GABRG3: variants seen among roughly 807,000 people sequenced by gnomAD.
The protein encoded by GABRG3 is gamma-aminobutyric acid type A receptor subunit gamma3, also known as gamma-aminobutyric acid receptor subunit gamma-3.
A neutral mutation model predicts 48.8 loss-of-function variants in GABRG3; 25 were observed. That is an observed-to-expected ratio of 0.51 (90% CI 0.37 to 0.72). The LOEUF is 0.72. Ranked by LOEUF, GABRG3 falls within the 30% of genes least tolerant of loss-of-function variation. The pLI is 0.00. For synonymous variants in GABRG3, 227 were observed against 217.6 expected, an observed-to-expected ratio of 1.04 and a Z score of -0.38; for missense variants, 394 against 577.9, an observed-to-expected ratio of 0.68 and a Z score of 3.26.
chr15:27,519,022 C>T (rs776103342), intron 6 of GABRG3, among the ~76,000 whole-genome samples: 1 of 152,028 alleles, frequency 6.6e-6, no homozygotes, highest in Non-Finnish European at 1.5e-5. Context: ...TCAGAGGTGG[C>T]TTTTTGGTTT....
At chr15:27,292,639 G>A (rs28705938) in intron 3 of GABRG3, among the ~76,000 whole-genome samples, 3,654 of 152,052 alleles carry the variant, frequency 0.024, 117 homozygotes, top group East Asian at 0.088. Flanking sequence ...AGTATAATGG[G>A]CATCTTTCTC....
At chr15:27,112,567 A>C (rs1439515157) in intron 3 of GABRG3, among the ~76,000 whole-genome samples, 1 of 151,172 alleles carries the variant, frequency 6.6e-6, no homozygotes, top group African/African-American at 2.4e-5. Flanking sequence ...CAGCCTCCCG[A>C]GTAGCTGGGA....
At position 27,307,337 on chromosome 15, in the gene GABRG3, ATAGGTTTATATATGTTTATATATAAC is replaced by A. The variant is rs1253045943; in HGVS notation, c.271-19471_271-19446del. Among the ~76,000 whole-genome samples, 19 of 134,200 alleles carry A rather than the reference ATAGGTTTATATATGTTTATATATAAC, an allele frequency of 1.4e-4. 1 individual carries two copies. The highest frequency in any genetic ancestry group is 3.3e-4 in the African/African-American group (12 of 36,664). 88.0% of individuals were successfully genotyped at this position (134,200 alleles called of 152,430 possible). On this transcript the variant is annotated intron_variant, in intron 3 of 9. Transcript: ENST00000615808. Reference sequence around the variant, plus strand: ...GGTTTATATATGTTTATATATAACCATAGGTTTATATATGTTTATATATAACCATATAGGTTTATATATTTATATAT... The same window carrying A: ...GGTTTATATATGTTTATATATAACCACATATAGGTTTATATATTTATATAT...
At chr15:27,423,578 T>C (rs1464215419) in intron 5 of GABRG3, among the ~76,000 whole-genome samples, 1 of 151,296 alleles carries the variant, frequency 6.6e-6, no homozygotes, top group Non-Finnish European at 1.5e-5. Context: ...TAGGGTCTTA[T>C]TCTGTCGCCA....
At chr15:27,495,169 T>C (rs1419605822) in intron 6 of GABRG3, among the ~76,000 whole-genome samples, 1 of 152,176 alleles carries the variant, frequency 6.6e-6, no homozygotes, top group Non-Finnish European at 1.5e-5. Context: ...ACCTTCTCTT[T>C]CTATGACTTT....
intron 3 of GABRG3, among the ~76,000 whole-genome samples, chr15:27,223,280 A>G (rs1192698250): frequency 6.6e-6 from 1 of 152,206 alleles, no homozygotes; most frequent in Non-Finnish European, 1.5e-5. Context: ...AATGTTACCA[A>G]AAGGCCAGGG....
chr15:26,991,743 C>T (rs557396886), intron 2 of GABRG3, among the ~76,000 whole-genome samples: 6 of 151,670 alleles, frequency 4.0e-5, no homozygotes, highest in Admixed American at 2.0e-4. Flanking sequence ...TTTTCTGAGA[C>T]GGAGTCTTGC....
chr15:26,976,629 A>C lies in GABRG3; in HGVS notation c.54-373A>C, dbSNP rs193218519. Among the ~76,000 whole-genome samples the C allele has an allele frequency of 4.9e-4, 75 of 152,260 alleles. No individual in the cohort carries two copies. The highest frequency in any genetic ancestry group is 3.3e-3 in the South Asian group (16 of 4,816). On this transcript the variant is annotated intron_variant, in intron 1 of 9. Transcript: ENST00000615808. The surrounding 1 kb of genome is among the most constrained non-coding windows in gnomAD (Gnocchi z 7.8). Reference sequence around the variant, plus strand: ...ACACCACGATGCAGTCACCATATAGAAAACCTCTAGAAGGTTTGTGCCTTG... The same window carrying C: ...ACACCACGATGCAGTCACCATATAGCAAACCTCTAGAAGGTTTGTGCCTTG...
rs1891252509 is a variant in GABRG3 at position 27,525,450 on chromosome 15, T to C, written c.866-1983T>C. On this transcript the variant is annotated intron_variant, in intron 7 of 9. Transcript: ENST00000615808. ...AGGTGTTTTTGCAGAGCACTCTTCT[T>C]TACTAGGTAGCTTAGATCCCTGAAC... Among the ~76,000 whole-genome samples the C allele has an allele frequency of 2.0e-5, 3 of 152,246 alleles. No individual in the cohort carries two copies. The South Asian group carries it at 6.2e-4, about 32-fold the overall frequency.
intron 6 of GABRG3, among the ~76,000 whole-genome samples, chr15:27,496,395 C>T (rs373690601): frequency 7.2e-5 from 11 of 152,168 alleles, no homozygotes; most frequent in South Asian, 2.1e-4. Context: ...GAGGCTGCCA[C>T]TTTCTTGTGT....
At chr15:27,291,619 G>A (rs1368446967) in intron 3 of GABRG3, among the ~76,000 whole-genome samples, 1 of 152,164 alleles carries the variant, frequency 6.6e-6, no homozygotes, top group African/African-American at 2.4e-5. Context: ...CTTATTTAAT[G>A]AAAACAGTTT....
rs373283695 is a variant in GABRG3, at chr15:27,078,794, T to A, written c.270+51973T>A. ...TGGCTGGCCAGTAAAGTGGTCAGTG[T>A]TGGGTTGGATGCTGTCCCCCTGCAA... On this transcript the variant is annotated intron_variant, in intron 3 of 9. Coordinates refer to ENST00000615808, the MANE Select transcript of GABRG3 (RefSeq NM_033223.5). Among the ~76,000 whole-genome samples, 34 of 152,340 alleles carry A rather than the reference T, an allele frequency of 2.2e-4. 1 individual carries two copies. The highest frequency in any genetic ancestry group is 7.9e-4 in the African/African-American group (33 of 41,582).
intron 3 of GABRG3, among the ~76,000 whole-genome samples, chr15:27,142,288 G>T (rs1023781580): frequency 1.3e-5 from 2 of 152,290 alleles, no homozygotes; most frequent in Admixed American, 1.3e-4. Context: ...CAAGACTGGG[G>T]ATTTACAAAC....
chr15:27,465,731 T>C (rs548039293), intron 5 of GABRG3, among the ~76,000 whole-genome samples: 241 of 152,324 alleles, frequency 1.6e-3, no homozygotes, highest in Non-Finnish European at 2.5e-3. Context: ...CTCTAGGTAG[T>C]CTCTTTCAAT....
At chr15:27,175,430 C>T (rs1887715355) in intron 3 of GABRG3, among the ~76,000 whole-genome samples, 1 of 152,212 alleles carries the variant, frequency 6.6e-6, no homozygotes, top group South Asian at 2.1e-4. Flanking sequence ...TTTCCTGATA[C>T]TTCTTTGTTT....
intron 3 of GABRG3, among the ~76,000 whole-genome samples, chr15:27,062,240 G>A (rs932122836): frequency 9.9e-5 from 15 of 151,784 alleles, no homozygotes; most frequent in Admixed American, 3.9e-4. Flanking sequence ...AGCTGGCTCC[G>A]CTGTGCTTAT....
chr15:27,539,928 T>C lies in GABRG3; in HGVS notation c.*7047T>C, dbSNP rs1028502542. The C allele has an allele frequency of 3.3e-5, 5 of 152,228 alleles. No individual in the cohort carries two copies. Among genetic ancestry groups the C allele is most frequent in the South Asian group, 2.1e-4 (1 of 4,832 alleles). 9.4% of individuals were successfully genotyped at this position (152,228 alleles called of 1,614,324 possible). On this transcript the variant is annotated 3_prime_UTR_variant, in exon 10 of 10. Transcript: ENST00000615808. The stretch of plus-strand genomic sequence containing the variant: ...TCAAGTTCTAAATTGTCACCAAATA[T>C]GAAAGGTTTTTAGATGAAGTACATC...
chr15:27,358,345 T>C (rs1894909158), intron 5 of GABRG3, among the ~76,000 whole-genome samples: 2 of 152,240 alleles, frequency 1.3e-5, no homozygotes, highest in Non-Finnish European at 2.9e-5. Flanking sequence ...ATGAATATTA[T>C]GGATTCATTT....
At chr15:27,256,494 A>AG (rs1415009833) in intron 3 of GABRG3, among the ~76,000 whole-genome samples, 3 of 52,980 alleles carry the variant, frequency 5.7e-5, no homozygotes, top group East Asian at 5.0e-4. Flanking sequence ...TGTTAAGGGT[A>AG]GGGGGGGCGG....
Sources: allele counts gnomAD v4.1 joint callset (sites outside exome capture counted in the v4.1 genomes callset), GRCh38; gene constraint gnomAD v4.1.1; non-coding constraint Gnocchi (gnomAD v3.1); transcripts MANE v1.5; gene names NCBI Gene and HGNC (gene_info 2026-07-23, HGNC 2026-07-21).